UBALD1: variants seen among roughly 807,000 people sequenced by gnomAD.
UBALD1 encodes UBA like domain containing 1.
Under a neutral mutation model 16.1 loss-of-function variants are expected in UBALD1, and 5 were observed. That is an observed-to-expected ratio of 0.31 (90% CI 0.16 to 0.66). The LOEUF is 0.66. UBALD1 is among the 30% of genes least tolerant of loss of function. The pLI, the probability that UBALD1 is intolerant of heterozygous loss-of-function variation, is 0.77. For synonymous variants in UBALD1, 146 were observed against 105.3 expected (o/e 1.39, Z -2.37); for missense variants, 220 against 252.8 (o/e 0.87, Z 0.88).
rs1897327407 is a variant in UBALD1 at position 4,609,339 on chromosome 16, G to A, written c.*294C>T. 3.2e-6 allele frequency: 1 copy of A among 314,092 alleles called. No individual in the cohort carries two copies. Among genetic ancestry groups the A allele is most frequent in the East Asian group, 5.0e-5 (1 of 19,826 alleles). 19.5% of individuals were successfully genotyped at this position (314,092 alleles called of 1,614,324 possible). A position where few individuals can be genotyped will look rare whatever the true frequency, so the allele number is the denominator to read the frequency against. On this transcript the variant is annotated 3_prime_UTR_variant, in exon 3 of 3. Coordinates refer to ENST00000283474, the MANE Select transcript of UBALD1 (RefSeq NM_145253.3). ...CTCCACGGCACCCCTGGGCTGGGCT[G>A]GGCAGGTGCGTCTTCGAAGGAAGGC...
chr16:4,613,723 G>C (rs1170239676), intron 1 of UBALD1, among the ~76,000 whole-genome samples: 1 of 152,210 alleles, frequency 6.6e-6, no homozygotes, highest in Non-Finnish European at 1.5e-5. Flanking sequence ...CCTGGGGTCG[G>C]TGAATTAGGG....
At chr16:4,612,508 GC>G (rs1421282992) in intron 1 of UBALD1, among the ~76,000 whole-genome samples, 1 of 152,102 alleles carries the variant, frequency 6.6e-6, no homozygotes, top group Non-Finnish European at 1.5e-5. Flanking sequence ...TCTGTCAGCA[GC>G]AGCTGTGCCC....
chr16:4,612,576 C>G (rs1207277622), intron 1 of UBALD1, among the ~76,000 whole-genome samples: 1 of 151,948 alleles, frequency 6.6e-6, no homozygotes, highest in Non-Finnish European at 1.5e-5. Flanking sequence ...CCACACCAGA[C>G]CCCCTCTGCA....
intron 2 of UBALD1, 78 bp downstream of exon 2, chr16:4,610,415 G>T (rs1272969757): frequency 1.5e-5 from 22 of 1,482,152 alleles, no homozygotes; most frequent in Non-Finnish European, 2.0e-5. Flanking sequence ...GTACACCGGG[G>T]CCAGGGGCTG....
Position 4,611,758 on chromosome 16 carries a change from T to A in UBALD1, c.121-1203A>T, listed in dbSNP as rs563422389. ...GGAGCCCCAGAGGGAGGCGCTGGGATTTGCTATGTCCTGGCTGAGGCCCTG... is the reference window on the plus strand; with the variant it reads ...GGAGCCCCAGAGGGAGGCGCTGGGAATTGCTATGTCCTGGCTGAGGCCCTG... On this transcript the variant is annotated intron_variant, in intron 1 of 2. Coordinates refer to ENST00000283474, the MANE Select transcript of UBALD1 (RefSeq NM_145253.3). 7.9e-5 allele frequency among the ~76,000 whole-genome samples: 12 copies of A among 152,224 alleles called. No individual in the cohort carries two copies. The South Asian group carries it at 2.5e-3, about 32-fold the overall frequency.
intron 1 of UBALD1, 35 bp downstream of exon 1, chr16:4,614,643 G>A: frequency 1.4e-6 from 2 of 1,443,522 alleles, no homozygotes; most frequent in Non-Finnish European, 9.1e-7. Flanking sequence ...CTCCGCCCGT[G>A]GCCCCGGCCC....
chr16:4,611,909 C>G (rs1161570899), intron 1 of UBALD1, among the ~76,000 whole-genome samples: 1 of 152,072 alleles, frequency 6.6e-6, no homozygotes, highest in Non-Finnish European at 1.5e-5. Context: ...CTTGGAGCTT[C>G]AAGCCGCCGA....
chr16:4,614,659 C>T lies in UBALD1; in HGVS notation c.120+19G>A, dbSNP rs1036582229. ...TCCGCCCGTGGCCCCGGCCCTCGCC[C>T]GGCTCCGGCGCCGCGCACCTCGAAC... On this transcript the variant is annotated intron_variant, in intron 1 of 2. Transcript: ENST00000283474. 2 of 1,504,342 alleles carry T rather than the reference C, an allele frequency of 1.3e-6. No individual in the cohort carries two copies. The highest frequency in any genetic ancestry group is 1.8e-6 in the Non-Finnish European group (2 of 1,128,676). The allele number at this position is 1,504,342 out of a possible 1,614,324, so 93.2% of individuals were successfully genotyped here. A position where few individuals can be genotyped will look rare whatever the true frequency, so the allele number is the denominator to read the frequency against.
intron 2 of UBALD1, 171 bp from the exon 3 acceptor site, chr16:4,610,154 T>C: frequency 2.7e-6 from 2 of 734,028 alleles, no homozygotes; most frequent in Middle Eastern, 2.3e-4. Context: ...AGCCTTGAGA[T>C]GAACCGACCC....
intron 1 of UBALD1, chr16:4,614,182 G>A: frequency 7.7e-6 from 2 of 258,116 alleles, no homozygotes; most frequent in Non-Finnish European, 1.5e-5. Context: ...CCGGTGCCCG[G>A]CCGACGCCGT....
In UBALD1 at chr16:4,614,810, C is replaced by G; in HGVS notation, c.-13G>C. 1 of 1,493,166 alleles carries G rather than the reference C, an allele frequency of 6.7e-7. No homozygotes were observed. The allele number at this position is 1,493,166 out of a possible 1,614,324, so 92.5% of individuals were successfully genotyped here. On this transcript the variant is annotated 5_prime_UTR_variant, in exon 1 of 3. Transcript: ENST00000283474. ...TGTTCACGGACATGGCGCCGCCGCG[C>G]TGCCCGCTCCGGCCTCCCTCCTCCG...
In UBALD1 at chr16:4,609,473, G is replaced by A; in HGVS notation, c.*160C>T. 1 of 412,522 alleles carries A rather than the reference G, an allele frequency of 2.4e-6. No homozygotes were observed. Among genetic ancestry groups the A allele is most frequent in the Non-Finnish European group, 4.2e-6 (1 of 236,582 alleles). 25.6% of individuals were successfully genotyped at this position (412,522 alleles called of 1,614,324 possible). ...TTGCGTGTGGGCAGCTGCGTGTTCTGGCACCAGACGTGTCCCTGCCTGGCT... is the reference window on the plus strand; with the variant it reads ...TTGCGTGTGGGCAGCTGCGTGTTCTAGCACCAGACGTGTCCCTGCCTGGCT... On this transcript the variant is annotated 3_prime_UTR_variant, in exon 3 of 3. Transcript: ENST00000283474.
chr16:4,614,208 T>G lies in UBALD1; in HGVS notation c.120+470A>C. 1.0e-5 allele frequency: 3 copies of G among 299,256 alleles called. No homozygotes were observed. The East Asian group carries it at 1.6e-4, about 16-fold the overall frequency. 18.5% of individuals were successfully genotyped at this position (299,256 alleles called of 1,614,324 possible). ...CCGACGCCGTGGCGCGGTGCGTGCG[T>G]AAACACAAATGCACATGGACGTGTG... is the stretch of plus-strand genomic sequence containing the variant. On this transcript the variant is annotated intron_variant, in intron 1 of 2. Coordinates refer to ENST00000283474, the MANE Select transcript of UBALD1 (RefSeq NM_145253.3).
intron 1 of UBALD1, among the ~76,000 whole-genome samples, chr16:4,612,092 G>T (rs1445323101): frequency 6.9e-6 from 1 of 145,670 alleles, no homozygotes; most frequent in African/African-American, 2.5e-5. Flanking sequence ...TTGAGACGGA[G>T]TCTCGCTCTG....
chr16:4,613,728 T>G (rs1897385936), intron 1 of UBALD1, among the ~76,000 whole-genome samples: 2 of 152,228 alleles, frequency 1.3e-5, no homozygotes, highest in East Asian at 3.9e-4. Context: ...GGTCGGTGAA[T>G]TAGGGAAAGC....
intron 1 of UBALD1, chr16:4,614,162 C>T: frequency 4.3e-6 from 1 of 233,270 alleles, no homozygotes; most frequent in Non-Finnish European, 8.3e-6. Context: ...CCCGCAGGTC[C>T]GCCACCTCCC....
At chr16:4,614,293 T>C (rs1897394479) in intron 1 of UBALD1, 1 of 357,428 alleles carries the variant, frequency 2.8e-6, no homozygotes. Context: ...CCGGAGCGGC[T>C]CCGCCCTCCG....
chr16:4,609,168 TG>T lies in UBALD1; in HGVS notation c.*464del, dbSNP rs1897324991. The T allele has an allele frequency of 6.5e-6, 1 of 154,962 alleles. No individual in the cohort carries two copies. The highest frequency in any genetic ancestry group is 6.5e-5 in the Admixed American group (1 of 15,338). 9.6% of individuals were successfully genotyped at this position (154,962 alleles called of 1,614,324 possible). Reference sequence around the variant, plus strand: ...GCTGCCCCAGGAACTAGGTTGCTTCTGAAGAGCGACACACGTAGAAATACAC... The same window carrying T: ...GCTGCCCCAGGAACTAGGTTGCTTCTAAGAGCGACACACGTAGAAATACAC... On this transcript the variant is annotated 3_prime_UTR_variant, in exon 3 of 3. Transcript: ENST00000283474.
At chr16:4,614,354 C>A (rs1897395777) in intron 1 of UBALD1, 3 of 367,292 alleles carry the variant, frequency 8.2e-6, no homozygotes, top group Non-Finnish European at 1.5e-5. Flanking sequence ...GCCCGCCCGA[C>A]TGTCCGTCTG....
Sources: gnomAD v4.1 joint callset for allele counts (sites outside exome capture counted in the v4.1 genomes callset) on GRCh38, gnomAD v4.1.1 for gene constraint, MANE v1.5 for transcripts, NCBI Gene and HGNC (gene_info 2026-07-23, HGNC 2026-07-21) for gene names.